Variants in PCDHA4 observed in about 807,000 individuals in gnomAD.
PCDHA4 encodes the protein protocadherin alpha-4.
PCDHA4 carries 49 observed loss-of-function variants against 61.4 expected under a neutral mutation model. The observed-to-expected ratio is 0.80, with a 90% CI of 0.63 to 1.01. The LOEUF is 1.01. PCDHA4 is among the 50% of genes least tolerant of loss of function. The probability of loss-of-function intolerance (pLI) is 0.00; values close to 1 mark genes in which losing one functional copy is unlikely to be tolerated. For synonymous variants in PCDHA4, 590 were observed against 550.3 expected (o/e 1.07, Z -1.01); for missense variants, 1,254 against 1,235.8 (o/e 1.01, Z -0.22).
chr5:140,900,143 G>C (rs1198470231), intron 1 of PCDHA4, among the ~76,000 whole-genome samples: 2 of 152,156 alleles, frequency 1.3e-5, no homozygotes, highest in African/African-American at 2.4e-5. Flanking sequence ...AAATAAGTAA[G>C]AACATACGAT....
chr5:140,887,246 G>A (rs1346055055), intron 1 of PCDHA4, among the ~76,000 whole-genome samples: 2 of 151,778 alleles, frequency 1.3e-5, no homozygotes, highest in Non-Finnish European at 2.9e-5. Flanking sequence ...ACCGGCGCCC[G>A]CCACCACGCC....
At chr5:140,858,260 G>A (rs782801879) in intron 1 of PCDHA4, 2 of 1,597,208 alleles carry the variant, frequency 1.3e-6, no homozygotes, top group South Asian at 2.2e-5. Context: ...GCCCACGCTG[G>A]TGTGCTCTAG....
At chr5:140,909,624 G>A (rs2074611325) in intron 1 of PCDHA4, among the ~76,000 whole-genome samples, 1 of 152,092 alleles carries the variant, frequency 6.6e-6, no homozygotes, top group African/African-American at 2.4e-5. Context: ...GCTCTAATTG[G>A]TCTTCCTATT....
chr5:140,816,593 G>A (rs1765953910), intron 1 of PCDHA4: 1 of 151,658 alleles, frequency 6.6e-6, no homozygotes, highest in South Asian at 2.1e-4. Context: ...ATTACTTTGT[G>A]TTGATATCTA....
At chr5:140,822,072 G>A (rs950776506) in intron 1 of PCDHA4, 4 of 1,614,228 alleles carry the variant, frequency 2.5e-6, no homozygotes, top group African/African-American at 1.3e-5. Context: ...GGCGGAGGGC[G>A]GAGTGCAGCA....
At chr5:140,857,620 C>G (rs782083775) in intron 1 of PCDHA4, 4 of 1,596,448 alleles carry the variant, frequency 2.5e-6, no homozygotes, top group Non-Finnish European at 3.4e-6. Context: ...CGCTGGACCA[C>G]GAGGAGCTGG....
intron 1 of PCDHA4, chr5:140,841,994 A>T: frequency 6.2e-6 from 10 of 1,613,788 alleles, no homozygotes; most frequent in Non-Finnish European, 8.5e-6. Flanking sequence ...GCTCACAGGC[A>T]CTGTTCAGCT....
rs1355633400 is a variant in PCDHA4 at position 140,846,435 on chromosome 5, C to G, written c.2385+36863C>G. ...TATCTCCCAGGCTGGAATGCAGTGG[C>G]GCAATCTCGGCTCACTGCAACCTCT... On this transcript the variant is annotated intron_variant, in intron 1 of 3. Transcript: ENST00000530339. Among the ~76,000 whole-genome samples, 18 of 133,632 alleles carry G rather than the reference C, an allele frequency of 1.3e-4. 1 individual carries two copies. Among genetic ancestry groups the G allele is most frequent in the African/African-American group, 4.0e-4 (14 of 35,360 alleles). 87.7% of individuals were successfully genotyped at this position (133,632 alleles called of 152,430 possible).
chr5:140,848,406 G>T lies in PCDHA4; in HGVS notation c.2385+38834G>T, dbSNP rs2150410052. On this transcript the variant is annotated intron_variant, in intron 1 of 3. Coordinates refer to ENST00000530339, the MANE Select transcript of PCDHA4 (RefSeq NM_018907.4). ...CACTCTCTCTGTGCTGAACGATGGCGAACACAGCAGAATGGGACTGACGAA... is the reference window on the plus strand; with the variant it reads ...CACTCTCTCTGTGCTGAACGATGGCTAACACAGCAGAATGGGACTGACGAA... The T allele has an allele frequency of 2.9e-3, 3,827 of 1,338,984 alleles. 272 individuals carry two copies. The African/African-American group carries it at 0.048, about 17-fold the overall frequency. The allele number at this position is 1,338,984 out of a possible 1,614,324, so 82.9% of individuals were successfully genotyped here. A position where few individuals can be genotyped will look rare whatever the true frequency, so the allele number is the denominator to read the frequency against.
intron 1 of PCDHA4, chr5:140,926,333 C>G (rs1244364456): frequency 6.6e-6 from 1 of 152,288 alleles, no homozygotes; most frequent in Non-Finnish European, 1.5e-5. Context: ...GGTCAGAGCG[C>G]CGGGACCCGA....
At chr5:140,816,324 G>A (rs2126670653) in intron 1 of PCDHA4, 52 of 152,128 alleles carry the variant, frequency 3.4e-4, no homozygotes, top group African/African-American at 1.3e-3. Flanking sequence ...TTCAATTATT[G>A]TATTCTTCAG....
chr5:140,875,252 C>T, intron 1 of PCDHA4: 1 of 1,041,204 alleles, frequency 9.6e-7, no homozygotes, highest in East Asian at 2.7e-5. Context: ...TAATCAGTCA[C>T]ATGATGTCGC....
rs2150157115 is a variant in PCDHA4, at chr5:140,828,583, A to G, written c.2385+19011A>G. 8.7e-6 allele frequency: 14 copies of G among 1,614,126 alleles called. No individual in the cohort carries two copies. In the Admixed American group the frequency reaches 2.3e-4, roughly 27 times the overall value. ...GCGCGTCCGATGCAGATGTTGGCTC[A>G]AATTCCATCTTAACCTATAAACTCA... On this transcript the variant is annotated intron_variant, in intron 1 of 3. Transcript: ENST00000530339.
intron 1 of PCDHA4, among the ~76,000 whole-genome samples, chr5:140,918,864 A>T (rs1225688566): frequency 6.6e-6 from 1 of 152,180 alleles, no homozygotes; most frequent in Non-Finnish European, 1.5e-5. Flanking sequence ...TGAATCATGA[A>T]CTTTCAAGCC....
chr5:140,883,397 C>A, intron 1 of PCDHA4: 1 of 1,614,170 alleles, frequency 6.2e-7, no homozygotes. Flanking sequence ...TGTGTCCGAT[C>A]GTGACTCTGG....
chr5:140,905,611 T>A (rs1396340503), intron 1 of PCDHA4, among the ~76,000 whole-genome samples: 1 of 152,224 alleles, frequency 6.6e-6, no homozygotes, highest in African/African-American at 2.4e-5. Flanking sequence ...ATTGAATCTA[T>A]AGATTGCTTT....
intron 1 of PCDHA4, chr5:140,929,006 C>G: frequency 6.2e-7 from 1 of 1,614,050 alleles, no homozygotes; most frequent in Non-Finnish European, 8.5e-7. Context: ...TTCGTGTGTA[C>G]CAAGTTGCAC....
At chr5:140,932,028 G>A (rs1299372751) in intron 1 of PCDHA4, among the ~76,000 whole-genome samples, 1 of 151,864 alleles carries the variant, frequency 6.6e-6, no homozygotes, top group South Asian at 2.1e-4. Flanking sequence ...TAAGTTTACA[G>A]TATATATTAA....
At chr5:140,952,261 C>T (rs246037) in intron 1 of PCDHA4, among the ~76,000 whole-genome samples, 85,112 of 150,858 alleles carry the variant, frequency 0.56, 24,616 homozygotes, top group African/African-American at 0.69. Flanking sequence ...GATTCCCATT[C>T]TGGGGTCTTG....
Sources: allele counts gnomAD v4.1 joint callset (sites outside exome capture counted in the v4.1 genomes callset), GRCh38; gene constraint gnomAD v4.1.1; transcripts MANE v1.5; gene names NCBI Gene and HGNC (gene_info 2026-07-23, HGNC 2026-07-21).